CTNNA2: variants seen among roughly 807,000 people sequenced by gnomAD.
The protein encoded by CTNNA2 is catenin alpha 2.
CTNNA2 carries 42 observed loss-of-function variants against 101.0 expected under a neutral mutation model. That is an observed-to-expected ratio of 0.42 (90% CI 0.32 to 0.54). The LOEUF (loss-of-function observed/expected upper bound fraction) is 0.54, where lower values mean the gene tolerates loss of function less well. CTNNA2 is among the 20% of genes least tolerant of loss of function. The pLI is 0.14. For synonymous variants in CTNNA2, 450 were observed against 456.4 expected, an observed-to-expected ratio of 0.99 and a Z score of 0.18; for missense variants, 871 against 1,223.1, an observed-to-expected ratio of 0.71 and a Z score of 4.29.
At chr2:79,878,804 T>C (rs1248337373) in intron 6 of CTNNA2, among the ~76,000 whole-genome samples, 1 of 152,214 alleles carries the variant, frequency 6.6e-6, no homozygotes, top group African/African-American at 2.4e-5. Flanking sequence ...TCTTTTGCTG[T>C]GCAGAAGCTC....
At chr2:80,483,224 G>GT (rs1261386562) in intron 9 of CTNNA2, among the ~76,000 whole-genome samples, 1 of 151,906 alleles carries the variant, frequency 6.6e-6, no homozygotes, top group Non-Finnish European at 1.5e-5. Context: ...TTTCAAGTCT[G>GT]TTTCCCTCTC....
intron 4 of CTNNA2, among the ~76,000 whole-genome samples, chr2:79,473,516 A>C (rs951627027): frequency 6.6e-6 from 1 of 152,118 alleles, no homozygotes; most frequent in Admixed American, 6.5e-5. Flanking sequence ...GATGGGAAAA[A>C]ATGTACATTA....
chr2:79,413,953 A>C (rs1240232006), intron 4 of CTNNA2, among the ~76,000 whole-genome samples: 1 of 33,548 alleles, frequency 3.0e-5, no homozygotes, highest in East Asian at 5.4e-4. Context: ...ATATATATAT[A>C]TATATATATA....
intron 1 of CTNNA2, among the ~76,000 whole-genome samples, chr2:79,186,593 G>A (rs536824790): frequency 6.6e-6 from 1 of 152,246 alleles, no homozygotes; most frequent in African/African-American, 2.4e-5. Flanking sequence ...AAATTGTTAG[G>A]TACAATGAAA....
intron 7 of CTNNA2, among the ~76,000 whole-genome samples, chr2:80,059,774 C>T (rs1697453792): frequency 6.6e-6 from 1 of 152,196 alleles, no homozygotes; most frequent in African/African-American, 2.4e-5. Context: ...CACAGAGCTG[C>T]TGGCTTAATA....
chr2:80,319,435 C>T lies in CTNNA2; in HGVS notation c.1057-73776C>T, dbSNP rs112020755. ...GGATTTGTTTCATTACATAATATGG[C>T]GAACAGTATATTTCTTCTGTAGTTG... is the stretch of plus-strand genomic sequence containing the variant. On this transcript the variant is annotated intron_variant, in intron 7 of 18. Transcript: ENST00000402739. Among the ~76,000 whole-genome samples the T allele has an allele frequency of 1.9e-3, 286 of 152,242 alleles. 3 individuals carry two copies. Among genetic ancestry groups the T allele is most frequent in the African/African-American group, 5.9e-3 (245 of 41,534 alleles).
intron 4 of CTNNA2, among the ~76,000 whole-genome samples, chr2:79,468,394 C>T (rs1256217922): frequency 3.9e-5 from 6 of 152,070 alleles, no homozygotes; most frequent in South Asian, 2.1e-4. Flanking sequence ...CCTTAGAGAC[C>T]AACAAAGAGA....
chr2:80,263,251 A>G (rs1448348051), intron 7 of CTNNA2, among the ~76,000 whole-genome samples: 1 of 152,246 alleles, frequency 6.6e-6, no homozygotes, highest in African/African-American at 2.4e-5. Flanking sequence ...TCCACAGAAT[A>G]TTAGATTTTG....
chr2:80,006,820 C>A (rs528038106), intron 7 of CTNNA2, among the ~76,000 whole-genome samples: 1 of 152,234 alleles, frequency 6.6e-6, no homozygotes, highest in Admixed American at 6.5e-5. Context: ...TACCTCCTTG[C>A]CTTCCTTATA....
intron 2 of CTNNA2, among the ~76,000 whole-genome samples, chr2:79,661,523 A>G (rs1426443380): frequency 6.6e-6 from 1 of 152,228 alleles, no homozygotes; most frequent in East Asian, 1.9e-4. Context: ...CCCCCACAAG[A>G]TACTAAGGCC....
intron 2 of CTNNA2, among the ~76,000 whole-genome samples, chr2:79,739,211 G>A (rs1000949843): frequency 1.3e-5 from 2 of 152,034 alleles, no homozygotes; most frequent in African/African-American, 2.4e-5. Context: ...CCTGGTTGGG[G>A]CAGAGGGAGG....
At chr2:80,562,325 A>G (rs1427225419) in intron 12 of CTNNA2, among the ~76,000 whole-genome samples, 4 of 152,230 alleles carry the variant, frequency 2.6e-5, no homozygotes, top group Middle Eastern at 3.2e-3. Context: ...ATAACCAGAT[A>G]GCTTACAATA....
chr2:80,585,517 T>G (rs1695903940), intron 14 of CTNNA2, among the ~76,000 whole-genome samples: 1 of 152,170 alleles, frequency 6.6e-6, no homozygotes, highest in Admixed American at 6.6e-5. Flanking sequence ...ACAAACAAAA[T>G]CTGATATGTT....
chr2:79,418,309 C>T (rs1357120790), intron 4 of CTNNA2, among the ~76,000 whole-genome samples: 1 of 152,108 alleles, frequency 6.6e-6, no homozygotes, highest in Non-Finnish European at 1.5e-5. Flanking sequence ...TTCCTCTACT[C>T]CTCCCAGCCT....
intron 7 of CTNNA2, among the ~76,000 whole-genome samples, chr2:80,148,356 AC>A (rs1399595516): frequency 3.3e-5 from 5 of 152,380 alleles, no homozygotes; most frequent in Admixed American, 2.0e-4. Flanking sequence ...CTGGATATTT[AC>A]AAGTCAACAG....
At chr2:79,216,336 G>GAGAGT (rs57338967) in intron 2 of CTNNA2, among the ~76,000 whole-genome samples, 91,541 of 150,448 alleles carry the variant, frequency 0.61, 29,004 homozygotes, top group East Asian at 0.73. Flanking sequence ...AGAGAAAAGA[G>GAGAGT]AGAGACACGG....
intron 1 of CTNNA2, among the ~76,000 whole-genome samples, chr2:79,555,381 C>T (rs920334949): frequency 6.6e-6 from 1 of 152,086 alleles, no homozygotes; most frequent in Non-Finnish European, 1.5e-5. Context: ...ACTGGCATCA[C>T]TTTAAGGAAT....
chr2:79,611,376 C>T (rs1479831510), intron 1 of CTNNA2, among the ~76,000 whole-genome samples: 3 of 152,120 alleles, frequency 2.0e-5, no homozygotes, highest in Admixed American at 2.0e-4. Context: ...TACAAGGAAG[C>T]CAACCTACCT....
At chr2:80,062,580 C>A (rs1025984361) in intron 7 of CTNNA2, among the ~76,000 whole-genome samples, 2 of 151,928 alleles carry the variant, frequency 1.3e-5, no homozygotes. Flanking sequence ...TAACTTAATT[C>A]TTTTATTCTC....
Sources: allele counts gnomAD v4.1 joint callset (sites outside exome capture counted in the v4.1 genomes callset), GRCh38; gene constraint gnomAD v4.1.1; transcripts MANE v1.5; gene names NCBI Gene and HGNC (gene_info 2026-07-23, HGNC 2026-07-21).